PMS1: variants seen among roughly 807,000 people sequenced by gnomAD.
PMS1 encodes the protein PMS1 homolog 1, mismatch repair system component, also known as PMS1 protein homolog 1.
Under a neutral mutation model 93.1 loss-of-function variants are expected in PMS1, and 79 were observed. The ratio of observed to expected loss-of-function variants is 0.85; its 90% CI spans 0.71 to 1.02. The LOEUF (loss-of-function observed/expected upper bound fraction) is 1.02, where lower values mean the gene tolerates loss of function less well. PMS1 is among the 50% of genes least tolerant of loss of function. The pLI, the probability that PMS1 is intolerant of heterozygous loss-of-function variation, is 0.00. For synonymous variants in PMS1, 335 were observed against 363.4 expected, an observed-to-expected ratio of 0.92 and a Z score of 0.89; for missense variants, 1,064 against 1,085.3, an observed-to-expected ratio of 0.98 and a Z score of 0.28.
rs2048891650 is a variant in PMS1 at position 189,791,791 on chromosome 2, T to G, written c.-19T>G. The stretch of plus-strand genomic sequence containing the variant: ...ACAAGTTGCATTTTTATCTTCTAGC[T>G]GCTCTGTTAAAAGCGAAAATGAAAC... On this transcript the variant is annotated splice_region_variant and 5_prime_UTR_variant, in exon 2 of 13. Coordinates refer to ENST00000441310, the MANE Select transcript of PMS1 (RefSeq NM_000534.5). The G allele has an allele frequency of 1.9e-6, 3 of 1,612,718 alleles. No homozygotes were observed. Among genetic ancestry groups the G allele is most frequent in the Non-Finnish European group, 2.5e-6 (3 of 1,179,078 alleles).
intron 1 of PMS1, among the ~76,000 whole-genome samples, chr2:189,790,870 G>A (rs1269624974): frequency 1.3e-5 from 2 of 152,174 alleles, no homozygotes; most frequent in Non-Finnish European, 2.9e-5. Context: ...TTGAGTCAGG[G>A]TGAATGGATA....
At chr2:189,839,880 C>T (rs910538991) in intron 5 of PMS1, among the ~76,000 whole-genome samples, 2 of 151,794 alleles carry the variant, frequency 1.3e-5, no homozygotes, top group Non-Finnish European at 2.9e-5. Context: ...TTTATTTAAC[C>T]AAAATATGTT....
At chr2:189,869,314 A>G (rs1222150017) in intron 11 of PMS1, among the ~76,000 whole-genome samples, 2 of 152,176 alleles carry the variant, frequency 1.3e-5, no homozygotes, top group Non-Finnish European at 2.9e-5. Context: ...TTTTCTTACC[A>G]TCCATTAGCC....
Position 189,869,795 on chromosome 2 carries a change from T to G in PMS1, c.2473+1866T>G, listed in dbSNP as rs1391354679. On this transcript the variant is annotated intron_variant, in intron 11 of 12. Transcript: ENST00000441310. ...TCACGCCACTGCACTCTAGCCTGCA[T>G]GACCGAGTGAGACTCCATCTTAAAA... is the stretch of plus-strand genomic sequence containing the variant. Among the ~76,000 whole-genome samples the G allele has an allele frequency of 4.7e-5, 7 of 149,380 alleles. No homozygotes were observed. The East Asian group carries it at 1.2e-3, about 25-fold the overall frequency.
chr2:189,852,965 A>C (rs897332033), intron 7 of PMS1, among the ~76,000 whole-genome samples, 188 bp downstream of exon 7: 3 of 152,182 alleles, frequency 2.0e-5, no homozygotes, highest in Non-Finnish European at 4.4e-5. Context: ...CTGCATTATC[A>C]TCCCCATTTA....
chr2:189,786,113 C>A (rs1260964962), intron 1 of PMS1, among the ~76,000 whole-genome samples: 1 of 151,874 alleles, frequency 6.6e-6, no homozygotes, highest in African/African-American at 2.4e-5. Flanking sequence ...AAGTGAGACC[C>A]TGTCACAAAA....
intron 3 of PMS1, among the ~76,000 whole-genome samples, chr2:189,801,435 A>T (rs2049879598): frequency 6.6e-6 from 1 of 152,218 alleles, no homozygotes; most frequent in Admixed American, 6.5e-5. Context: ...TGACCGTCTC[A>T]TAAAAATTTT....
chr2:189,855,217 T>C (rs1046090783), intron 9 of PMS1, 89 bp downstream of exon 9: 11 of 1,100,406 alleles, frequency 1.0e-5, no homozygotes, highest in South Asian at 1.3e-5. Flanking sequence ...TTTTCACTTC[T>C]TATTTATGGA....
At chr2:189,791,635 A>C in intron 1 of PMS1, 155 bp from the exon 2 acceptor site, 3 of 584,132 alleles carry the variant, frequency 5.1e-6, no homozygotes. Flanking sequence ...AAAAGAAGAA[A>C]TAGAAGACTT....
At chr2:189,875,127 G>C (rs2057451576) in intron 12 of PMS1, among the ~76,000 whole-genome samples, 1 of 151,440 alleles carries the variant, frequency 6.6e-6, no homozygotes, top group African/African-American at 2.4e-5. Context: ...AACCAAGAGA[G>C]GGGTGGATGT....
chr2:189,859,459 C>G (rs965641645), intron 9 of PMS1, among the ~76,000 whole-genome samples: 1 of 152,140 alleles, frequency 6.6e-6, no homozygotes, highest in African/African-American at 2.4e-5. Context: ...GTTTCCAATT[C>G]TGGGTATGTA....
At chr2:189,806,176 A>G (rs1487974336) in intron 4 of PMS1, 2 of 308,366 alleles carry the variant, frequency 6.5e-6, no homozygotes, top group Non-Finnish European at 1.2e-5. Flanking sequence ...ATTGATGGAA[A>G]ACTTCAAACA....
chr2:189,820,060 A>G (rs2051689202), intron 5 of PMS1, among the ~76,000 whole-genome samples: 1 of 152,250 alleles, frequency 6.6e-6, no homozygotes, highest in African/African-American at 2.4e-5. Flanking sequence ...GATGGGAAAT[A>G]GGGAATTAAC....
intron 5 of PMS1, among the ~76,000 whole-genome samples, chr2:189,837,372 T>A (rs2053479455): frequency 6.6e-6 from 1 of 152,118 alleles, no homozygotes; most frequent in Admixed American, 6.6e-5. Context: ...CAAGTGATCC[T>A]CCCACCTTAG....
At chr2:189,792,495 A>G (rs1291276064) in intron 2 of PMS1, among the ~76,000 whole-genome samples, 1 of 151,968 alleles carries the variant, frequency 6.6e-6, no homozygotes, top group Non-Finnish European at 1.5e-5. Flanking sequence ...TGCACTAGGA[A>G]GGTAAATAAA....
chr2:189,866,670 A>G (rs1575365597), intron 10 of PMS1, among the ~76,000 whole-genome samples: 1 of 152,230 alleles, frequency 6.6e-6, no homozygotes, highest in African/African-American at 2.4e-5. Context: ...CATTTACTGT[A>G]TGATAGGAAT....
intron 12 of PMS1, 39 bp from the exon 13 acceptor site, chr2:189,877,233 G>A (rs775369064): frequency 8.3e-6 from 13 of 1,559,302 alleles, no homozygotes; most frequent in African/African-American, 4.1e-5. Flanking sequence ...CAGCTTCAGG[G>A]TATATCATGG....
chr2:189,803,903 C>G (rs960659724), intron 3 of PMS1, among the ~76,000 whole-genome samples: 4 of 151,992 alleles, frequency 2.6e-5, no homozygotes, highest in Non-Finnish European at 5.9e-5. Context: ...TTTACTTTAA[C>G]ATAAATGTTA....
chr2:189,803,838 A>G (rs2050103903), intron 3 of PMS1, among the ~76,000 whole-genome samples: 1 of 152,208 alleles, frequency 6.6e-6, no homozygotes, highest in African/African-American at 2.4e-5. Flanking sequence ...TTTTCGTAGT[A>G]TTCTACAAAT....
Sources: gnomAD v4.1 joint callset for allele counts (sites outside exome capture counted in the v4.1 genomes callset) on GRCh38, gnomAD v4.1.1 for gene constraint, MANE v1.5 for transcripts, NCBI Gene and HGNC (gene_info 2026-07-23, HGNC 2026-07-21) for gene names.